The following TRAPPC11 variants were observed in gnomAD, a reference collection of about 807,000 sequenced individuals.
The protein encoded by TRAPPC11 is trafficking protein particle complex subunit 11.
A neutral mutation model predicts 151.2 loss-of-function variants in TRAPPC11; 104 were observed. That is an observed-to-expected ratio of 0.69 (90% CI 0.59 to 0.81). TRAPPC11 has a LOEUF of 0.81. TRAPPC11 is among the 30% of genes least tolerant of loss of function. The pLI is 0.00. For synonymous variants in TRAPPC11, 456 were observed against 472.3 expected (o/e 0.97, Z 0.45); for missense variants, 1,230 against 1,349.6 (o/e 0.91, Z 1.39).
At position 183,697,742 on chromosome 4, in the gene TRAPPC11, GC is replaced by G. The variant is rs1736610691; in HGVS notation, c.2760del (p.Ser921HisfsTer18). 1 of 1,614,126 alleles carries G rather than the reference GC, an allele frequency of 6.2e-7. No homozygotes were observed. The highest frequency in any genetic ancestry group is 1.7e-5 in the Admixed American group (1 of 60,016). On this transcript the variant is annotated frameshift_variant, in exon 25 of 30. Coordinates refer to ENST00000334690, the MANE Select transcript of TRAPPC11 (RefSeq NM_021942.6). LOFTEE classifies it high-confidence loss of function. ...PFLLMTDLLS[A>X]SPWALTIVSS... ...TCTGTTGATGACGGACCTCTTAAGT[GC>G]CTCACCCTGGGCCCTCACTATTGTT...
chr4:183,681,392 A>G (rs1342936912), intron 10 of TRAPPC11, among the ~76,000 whole-genome samples: 1 of 151,886 alleles, frequency 6.6e-6, no homozygotes, highest in Non-Finnish European at 1.5e-5. Flanking sequence ...AGTTTGGCAT[A>G]TTGTAATTTT....
intron 28 of TRAPPC11, among the ~76,000 whole-genome samples, chr4:183,707,578 C>T (rs1417729783): frequency 6.6e-6 from 1 of 152,156 alleles, no homozygotes; most frequent in Admixed American, 6.5e-5. Context: ...TCAGGAAATA[C>T]TTTTTAATTA....
chr4:183,675,632 T>C (rs1304031714), intron 7 of TRAPPC11: 1 of 153,248 alleles, frequency 6.5e-6, no homozygotes, highest in East Asian at 1.9e-4. Flanking sequence ...TCTTCACAAA[T>C]TTGCATGTCA....
In TRAPPC11 at chr4:183,675,164, C is replaced by T; in HGVS notation, c.661C>T (p.Leu221Phe). ...TAGTAATTTTTTTGTCTCTTTTTAG[C>T]TTTTATTTGTTAGGCATCAGTTCAA... ...KEFLNKTTHQLLFVRHQFKIA... is the reference protein window; with the variant it reads ...KEFLNKTTHQFLFVRHQFKIA... Residue 221 changes from leucine to phenylalanine, a missense_variant and splice_region_variant, in exon 7 of 30, where the codon CTT (leucine) becomes TTT (phenylalanine). Coordinates refer to ENST00000334690, the MANE Select transcript of TRAPPC11 (RefSeq NM_021942.6). The T allele has an allele frequency of 6.7e-7, 1 of 1,491,912 alleles. No individual in the cohort carries two copies. The highest frequency in any genetic ancestry group is 1.5e-5 in the South Asian group (1 of 68,466). The allele number at this position is 1,491,912 out of a possible 1,614,324, so 92.4% of individuals were successfully genotyped here. A position where few individuals can be genotyped will look rare whatever the true frequency, so the allele number is the denominator to read the frequency against.
In TRAPPC11 at chr4:183,706,812, C is replaced by T; in HGVS notation, c.3061C>T (p.Pro1021Ser). 6.2e-7 allele frequency: 1 copy of T among 1,612,522 alleles called. No homozygotes were observed. The highest frequency in any genetic ancestry group is 2.2e-5 in the East Asian group (1 of 44,854). ...TGTGTCATCTTTCTCTGTAGATCTG[C>T]CGTCATTTGGGCGTGTCAGAGAGTC... Reference protein sequence around the residue: ...NIPLHVNADLPSFGRVRESLP... With the variant: ...NIPLHVNADLSSFGRVRESLP... The change falls in exon 28 of 30, where the codon CCG (proline) becomes TCG (serine). Residue 1021 changes from proline (P) to serine (S), a missense_variant. Physicochemically the swap from Pro to Ser is moderately conservative, Grantham distance 74 (BLOSUM62 -1). Coordinates refer to ENST00000334690, the MANE Select transcript of TRAPPC11 (RefSeq NM_021942.6).
intron 10 of TRAPPC11, 142 bp downstream of exon 10, chr4:183,680,409 T>C (rs1579183302): frequency 2.1e-6 from 2 of 953,004 alleles, no homozygotes; most frequent in Non-Finnish European, 2.9e-6. Flanking sequence ...AGGAATTACA[T>C]TGATCTTTGG....
At chr4:183,669,050 A>G (rs965551171) in intron 5 of TRAPPC11, among the ~76,000 whole-genome samples, 3 of 152,186 alleles carry the variant, frequency 2.0e-5, no homozygotes, top group African/African-American at 7.2e-5. Context: ...CCAGGCTTCT[A>G]AGAAAGAGAA....
Position 183,694,981 on chromosome 4 carries a change from C to T in TRAPPC11, c.2628+258C>T, listed in dbSNP as rs7692596. Among the ~76,000 whole-genome samples the T allele has an allele frequency of 0.012, 1,769 of 146,296 alleles. 32 individuals are homozygous for T. Among genetic ancestry groups the T allele is most frequent in the African/African-American group, 0.043 (1,696 of 39,256 alleles). ...TTTTTTTTTTGAGGCGGAGTTTTGC[C>T]CTTGTCGCCCAGGCTGGAGTGCAGT... On this transcript the variant is annotated intron_variant, in intron 23 of 29. Transcript: ENST00000334690.
Position 183,679,446 on chromosome 4 carries a change from G to A in TRAPPC11, c.925G>A (p.Ala309Thr). 6.2e-7 allele frequency: 1 copy of A among 1,612,776 alleles called. No individual in the cohort carries two copies. The highest frequency in any genetic ancestry group is 8.5e-7 in the Non-Finnish European group (1 of 1,179,406). The change falls in exon 9 of 30, where the codon GCA becomes ACA. Residue 309 changes from alanine to threonine, a missense_variant. By Grantham distance (58) the Ala-to-Thr change is moderately conservative. Transcript: ENST00000334690. ...CTTGTGTAAGAAAAAGATTGGAAGTGCAGAGCTGTCTTTTGAGCATGATGC... is the reference window on the plus strand; with the variant it reads ...CTTGTGTAAGAAAAAGATTGGAAGTACAGAGCTGTCTTTTGAGCATGATGC... Reference protein sequence around the residue: ...IDLCKKKIGSAELSFEHDAWM... With the variant: ...IDLCKKKIGSTELSFEHDAWM...
At chr4:183,693,459 G>T in intron 20 of TRAPPC11, 130 bp from the exon 21 acceptor site, 1 of 993,646 alleles carries the variant, frequency 1.0e-6, no homozygotes, top group Non-Finnish European at 1.4e-6. Flanking sequence ...TCCTGCCTCA[G>T]TCTCCCAAAA....
chr4:183,699,538 T>A (rs1229843309), intron 25 of TRAPPC11, among the ~76,000 whole-genome samples: 1 of 152,262 alleles, frequency 6.6e-6, no homozygotes, highest in Non-Finnish European at 1.5e-5. Flanking sequence ...AGGAATAATC[T>A]GTGGCTTGAA....
intron 23 of TRAPPC11, among the ~76,000 whole-genome samples, chr4:183,695,712 T>A (rs78924311): frequency 0.019 from 2,927 of 152,222 alleles, 60 homozygotes; most frequent in East Asian, 0.062. Context: ...AATTTGGGGA[T>A]TTGTAGTTTT....
intron 21 of TRAPPC11, 59 bp downstream of exon 21, chr4:183,693,796 T>C: frequency 1.2e-6 from 2 of 1,601,380 alleles, no homozygotes; most frequent in Admixed American, 1.7e-5. Flanking sequence ...TAAGCATCAG[T>C]GATGTCAACT....
intron 20 of TRAPPC11, among the ~76,000 whole-genome samples, 159 bp from the exon 21 acceptor site, chr4:183,693,430 T>C (rs1437760494): frequency 6.6e-6 from 1 of 152,218 alleles, no homozygotes; most frequent in Non-Finnish European, 1.5e-5. Context: ...TGTTTCAAAC[T>C]CCTGGGCTCA....
intron 26 of TRAPPC11, among the ~76,000 whole-genome samples, chr4:183,703,947 T>C (rs147053361): frequency 7.9e-5 from 12 of 152,338 alleles, no homozygotes; most frequent in African/African-American, 2.6e-4. Flanking sequence ...GTTACAATAG[T>C]GCTCTTCAAA....
In TRAPPC11 at chr4:183,695,199, C is replaced by G. The variant is rs113765046; in HGVS notation, c.2628+476C>G. On this transcript the variant is annotated intron_variant, in intron 23 of 29. Coordinates refer to ENST00000334690, the MANE Select transcript of TRAPPC11 (RefSeq NM_021942.6). ...TCCCAACCTCAGGTGATCTGCCCAC[C>G]TTGGCCTCCCAAAGTGCTGGGATTA... 6.1e-3 allele frequency among the ~76,000 whole-genome samples: 926 copies of G among 152,200 alleles called. 6 individuals carry two copies. The highest frequency in any genetic ancestry group is 9.3e-3 in the Non-Finnish European group (633 of 68,014).
chr4:183,663,657 C>T (rs1160892927), intron 1 of TRAPPC11, among the ~76,000 whole-genome samples, 190 bp from the exon 2 acceptor site: 1 of 151,934 alleles, frequency 6.6e-6, no homozygotes, highest in Admixed American at 6.6e-5. Context: ...GCGTGAGCCA[C>T]CATGCCTGGC....
chr4:183,662,583 A>T (rs1299949530), intron 1 of TRAPPC11, among the ~76,000 whole-genome samples: 2 of 152,056 alleles, frequency 1.3e-5, no homozygotes, highest in African/African-American at 4.8e-5. Context: ...ATTTTTCTTT[A>T]AAGAGTAAAT....
Position 183,667,083 on chromosome 4 carries a change from C to G in TRAPPC11, c.398C>G (p.Thr133Arg). 2 of 1,599,294 alleles carry G rather than the reference C, an allele frequency of 1.3e-6. No homozygotes were observed. The highest frequency in any genetic ancestry group is 8.5e-7 in the Non-Finnish European group (1 of 1,170,504). ...AGGCAAAGTTTACAAGGAAGAAACACAAAAGTTGCAGTGGTTCTGATTCAG... is the reference window on the plus strand; with the variant it reads ...AGGCAAAGTTTACAAGGAAGAAACAGAAAAGTTGCAGTGGTTCTGATTCAG... ...IVRQSLQGRN[T>R]KVAVVLIQKK... The change falls in exon 4 of 30, where the codon ACA becomes AGA. Residue 133 changes from threonine to arginine, a missense_variant. Coordinates refer to ENST00000334690, the MANE Select transcript of TRAPPC11 (RefSeq NM_021942.6).
Sources: gnomAD v4.1 joint callset for allele counts (sites outside exome capture counted in the v4.1 genomes callset) on GRCh38, gnomAD v4.1.1 for gene constraint, MANE v1.5 for transcripts, NCBI Gene and HGNC (gene_info 2026-07-23, HGNC 2026-07-21) for gene names.